Variants in SYNJ2 observed in about 807,000 individuals in gnomAD.
SYNJ2 encodes the protein polyphosphatidylinositol phosphatase SYNJ2.
Under a neutral mutation model 141.3 loss-of-function variants are expected in SYNJ2, and 116 were observed. The observed-to-expected ratio is 0.82, with a 90% CI of 0.71 to 0.96. The LOEUF (loss-of-function observed/expected upper bound fraction) is 0.96, where lower values mean the gene tolerates loss of function less well. SYNJ2 is among the 40% of genes least tolerant of loss of function. SYNJ2 has a pLI of 0.00. For missense variants in SYNJ2, 1,873 were observed against 1,934.8 expected (o/e 0.97, Z 0.60); for synonymous variants, 745 against 777.7 (o/e 0.96, Z 0.70).
chr6:158,073,714 G>A (rs889431890), intron 15 of SYNJ2, among the ~76,000 whole-genome samples: 1 of 152,072 alleles, frequency 6.6e-6, no homozygotes, highest in Non-Finnish European at 1.5e-5. Flanking sequence ...TTATCTAGAC[G>A]CTCATTTTAT....
At position 158,003,169 on chromosome 6, in the gene SYNJ2, AG is replaced by A. The variant is rs201775717; in HGVS notation, c.128-14032del. On this transcript the variant is annotated intron_variant, in intron 1 of 26. Coordinates refer to ENST00000355585, the MANE Select transcript of SYNJ2 (RefSeq NM_003898.4). ...TTGGTGGGAGGTAGTGCATTTGCTG[AG>A]GGTGATGTGTTCTGAGTGTCCCCTC... 9.9e-5 allele frequency among the ~76,000 whole-genome samples: 15 copies of A among 152,238 alleles called. No individual in the cohort carries two copies. The East Asian group carries it at 2.9e-3, about 29-fold the overall frequency.
chr6:158,095,881 G>A lies in SYNJ2; in HGVS notation c.4008G>A (p.Arg1336=), dbSNP rs1251022274. 6.2e-7 allele frequency: 1 copy of A among 1,614,124 alleles called. No individual in the cohort carries two copies. The highest frequency in any genetic ancestry group is 1.7e-5 in the Admixed American group (1 of 60,024). The change falls in exon 27 of 27, where the codon AGG becomes AGA. Residue 1336 remains arginine, a synonymous_variant. Coordinates refer to ENST00000355585, the MANE Select transcript of SYNJ2 (RefSeq NM_003898.4). The part of the protein sequence containing the change: ...PPLVPKVPPR[R]KKSAPAAFHL... ...TTGTGCCCAAGGTACCCCCGAGGAGGAAGAAGTCAGCCCCCGCAGCCTTCC... is the reference window on the plus strand; with the variant it reads ...TTGTGCCCAAGGTACCCCCGAGGAGAAAGAAGTCAGCCCCCGCAGCCTTCC...
At chr6:158,095,251 A>G (rs1783731197) in intron 26 of SYNJ2, among the ~76,000 whole-genome samples, 2 of 152,206 alleles carry the variant, frequency 1.3e-5, no homozygotes, top group Admixed American at 1.3e-4. Context: ...CAGACCATGA[A>G]TCAGCCCAGG....
intron 2 of SYNJ2, 95 bp downstream of exon 2, chr6:158,017,385 A>T: frequency 1.9e-6 from 2 of 1,049,310 alleles, no homozygotes; most frequent in Admixed American, 3.5e-5. Flanking sequence ...ATTCTGTTTG[A>T]CCGCTCTTCT....
rs752361012 is a variant in SYNJ2, at chr6:158,062,116, A to G, written c.1079A>G (p.His360Arg). Residue 360 changes from histidine to arginine, a missense_variant, in exon 8 of 27, where the codon CAC becomes CGC. Transcript: ENST00000355585. ...CTCTTGAGGCCACAGTTAAAGCTGC[A>G]CTGGGAAGACTTCGATGTGTTCACA... Reference protein sequence around the residue: ...ETLLRPQLKLHWEDFDVFTKG... With the variant: ...ETLLRPQLKLRWEDFDVFTKG... 9.9e-6 allele frequency: 16 copies of G among 1,613,994 alleles called. No homozygotes were observed. In the South Asian group the frequency reaches 1.6e-4, roughly 17 times the overall value.
rs778445917 is a variant in SYNJ2 at position 158,028,721 on chromosome 6, C to T, written c.215-35C>T. ...GAGCTCCAGGCGGCCGGGCCGACTT[C>T]GACCCTGAGCTCTCCTGTCTGATTT... On this transcript the variant is annotated intron_variant, in intron 2 of 26. Transcript: ENST00000355585. 6 of 1,602,042 alleles carry T rather than the reference C, an allele frequency of 3.7e-6. No homozygotes were observed. In the African/African-American group the frequency reaches 4.0e-5, roughly 11 times the overall value.
At chr6:158,078,355 A>T (rs1562391822) in intron 18 of SYNJ2, 74 bp downstream of exon 18, 1 of 974,144 alleles carries the variant, frequency 1.0e-6, no homozygotes, top group East Asian at 2.4e-5. Context: ...AGGAAAATGC[A>T]TGCTGTCCCC....
At chr6:158,060,366 A>G (rs1443804159) in intron 7 of SYNJ2, among the ~76,000 whole-genome samples, 1 of 152,176 alleles carries the variant, frequency 6.6e-6, no homozygotes, top group Admixed American at 6.5e-5. Flanking sequence ...CCCCAGGCGC[A>G]AGACGTTCCA....
intron 25 of SYNJ2, among the ~76,000 whole-genome samples, chr6:158,092,625 C>T (rs1035944554): frequency 6.6e-6 from 1 of 151,980 alleles, no homozygotes; most frequent in Admixed American, 6.6e-5. Flanking sequence ...ATTGGCTGGG[C>T]GTGGCAGTGC....
At chr6:157,981,545 C>T (rs1777003430), upstream of SYNJ2, among the ~76,000 whole-genome samples, 1 of 152,190 alleles carries the variant, frequency 6.6e-6, no homozygotes, top group African/African-American at 2.4e-5. The surrounding 1 kb of genome is among the most constrained non-coding windows in gnomAD (Gnocchi z 6.4). Context: ...GACTCCCGGG[C>T]CGGGCTGCCC....
intron 7 of SYNJ2, 114 bp downstream of exon 7, chr6:158,059,467 C>A: frequency 6.7e-7 from 1 of 1,493,498 alleles, no homozygotes; most frequent in South Asian, 1.3e-5. Flanking sequence ...AGCCCTCCTT[C>A]GTTTCCTGAG....
Position 158,098,199 on chromosome 6 carries a change from A to G in SYNJ2, c.*1835A>G, listed in dbSNP as rs1313176157. 6.6e-6 allele frequency: 1 copy of G among 152,256 alleles called. No homozygotes were observed. The highest frequency in any genetic ancestry group is 1.5e-5 in the Non-Finnish European group (1 of 68,036). The allele number at this position is 152,256 out of a possible 1,614,324, so 9.4% of individuals were successfully genotyped here. ...TTGAAAACAGATAAATGTAACAACCAGTCAAAGAAGCAGGGGAAAAGTAAG... is the reference window on the plus strand; with the variant it reads ...TTGAAAACAGATAAATGTAACAACCGGTCAAAGAAGCAGGGGAAAAGTAAG... On this transcript the variant is annotated 3_prime_UTR_variant, in exon 27 of 27. Transcript: ENST00000355585.
intron 1 of SYNJ2, among the ~76,000 whole-genome samples, chr6:157,999,991 C>T (rs1428786373): frequency 2.0e-5 from 3 of 147,908 alleles, no homozygotes; most frequent in African/African-American, 5.0e-5. Flanking sequence ...GAGTGCACCT[C>T]GGCATGCAGT....
rs1783919072 is a variant in SYNJ2 at position 158,098,890 on chromosome 6, G to A, written c.*2526G>A. 1 of 152,184 alleles carries A rather than the reference G, an allele frequency of 6.6e-6. No individual in the cohort carries two copies. Among genetic ancestry groups the A allele is most frequent in the African/African-American group, 2.4e-5 (1 of 41,438 alleles). 9.4% of individuals were successfully genotyped at this position (152,184 alleles called of 1,614,324 possible). A position where few individuals can be genotyped will look rare whatever the true frequency, so the allele number is the denominator to read the frequency against. The stretch of plus-strand genomic sequence containing the variant: ...GACTTCTTGCCTATTCTTAAAATAT[G>A]TTTTGGTTAATGATTGAATTAGGAC... On this transcript the variant is annotated 3_prime_UTR_variant, in exon 27 of 27. Coordinates refer to ENST00000355585, the MANE Select transcript of SYNJ2 (RefSeq NM_003898.4).
At chr6:158,064,793 C>T (rs200586693) in intron 10 of SYNJ2, 33 bp from the exon 11 acceptor site, 6 of 1,610,742 alleles carry the variant, frequency 3.7e-6, no homozygotes, top group Non-Finnish European at 4.2e-6. Context: ...CCCAGGGACC[C>T]CCCTCACGGC....
At chr6:158,049,824 G>A (rs1780462632) in intron 5 of SYNJ2, among the ~76,000 whole-genome samples, 1 of 151,968 alleles carries the variant, frequency 6.6e-6, no homozygotes. Context: ...GGCTCTGCAG[G>A]TGTCGACATG....
In SYNJ2 at chr6:158,050,948, C is replaced by T. The variant is rs548494400; in HGVS notation, c.796-4019C>T. Among the ~76,000 whole-genome samples the T allele has an allele frequency of 1.1e-4, 16 of 152,020 alleles. No homozygotes were observed. In the South Asian group the frequency reaches 2.5e-3, roughly 24 times the overall value. ...CATGACACCCAATGGCATGTTGACT[C>T]GGAGGGCGCTCAGTAACTGAGGAAT... On this transcript the variant is annotated intron_variant, in intron 5 of 26. Transcript: ENST00000355585.
intron 5 of SYNJ2, among the ~76,000 whole-genome samples, chr6:158,045,099 CTTTTTTTTTTT>C (rs761042284): frequency 1.8e-5 from 2 of 112,284 alleles, no homozygotes; most frequent in African/African-American, 3.6e-5. Context: ...AGGGGTCCTC[CTTTTTTTTTTT>C]TTTTTTTTTT....
In SYNJ2 at chr6:158,006,190, CATGCACAT is replaced by C. The variant is rs1347247513; in HGVS notation, c.128-11006_128-10999del. On this transcript the variant is annotated intron_variant, in intron 1 of 26. Coordinates refer to ENST00000355585, the MANE Select transcript of SYNJ2 (RefSeq NM_003898.4). ...CATTTCTCTGCTTGCCACACGCACA[CATGCACAT>C]ATGCACACGCACACACATGCGCACA... Among the ~76,000 whole-genome samples the C allele has an allele frequency of 2.6e-5, 4 of 152,304 alleles. No homozygotes were observed. In the East Asian group the frequency reaches 5.8e-4, roughly 22 times the overall value.
Sources: gnomAD v4.1 joint callset for allele counts (sites outside exome capture counted in the v4.1 genomes callset) on GRCh38, gnomAD v4.1.1 for gene constraint, Gnocchi (gnomAD v3.1) non-coding constraint, MANE v1.5 for transcripts, NCBI Gene and HGNC (gene_info 2026-07-23, HGNC 2026-07-21) for gene names.